The following KCNIP4 variants were observed in gnomAD, a reference collection of about 807,000 sequenced individuals.
The protein encoded by KCNIP4 is Kv channel-interacting protein 4.
KCNIP4 carries 12 observed loss-of-function variants against 34.0 expected under a neutral mutation model. The ratio of observed to expected loss-of-function variants is 0.35; its 90% CI spans 0.23 to 0.57. The LOEUF (loss-of-function observed/expected upper bound fraction) is 0.57. Ranked by LOEUF, KCNIP4 falls within the 20% of genes least tolerant of loss-of-function variation. The probability of loss-of-function intolerance (pLI) is 0.83; values close to 1 mark genes in which losing one functional copy is unlikely to be tolerated. For missense variants in KCNIP4, 238 were observed against 311.7 expected, an observed-to-expected ratio of 0.76 and a Z score of 1.78; for synonymous variants, 124 against 102.2, an observed-to-expected ratio of 1.21 and a Z score of -1.29.
At chr4:21,478,048 T>C (rs1731133202) in intron 1 of KCNIP4, among the ~76,000 whole-genome samples, 1 of 152,170 alleles carries the variant, frequency 6.6e-6, no homozygotes, top group Non-Finnish European at 1.5e-5. Context: ...CAACAAATAT[T>C]CTGTTCTTAT....
At chr4:21,628,924 T>C (rs2109197547) in intron 1 of KCNIP4, among the ~76,000 whole-genome samples, 1 of 152,356 alleles carries the variant, frequency 6.6e-6, no homozygotes, top group Middle Eastern at 3.4e-3. Context: ...TTTTTAATTA[T>C]ATAAGAATTT....
At chr4:21,766,418 C>T (rs986017242) in intron 1 of KCNIP4, among the ~76,000 whole-genome samples, 3 of 152,082 alleles carry the variant, frequency 2.0e-5, no homozygotes, top group Admixed American at 6.6e-5. Context: ...GACTCACATG[C>T]AAGTTCATTT....
chr4:20,829,429 A>G (rs111426232), intron 3 of KCNIP4, among the ~76,000 whole-genome samples: 84 of 152,038 alleles, frequency 5.5e-4, no homozygotes, highest in African/African-American at 1.9e-3. Context: ...GGATGGTCTC[A>G]ATCTTCTGAC....
chr4:21,184,400 C>T (rs891000824), intron 1 of KCNIP4, among the ~76,000 whole-genome samples: 1 of 152,138 alleles, frequency 6.6e-6, no homozygotes, highest in African/African-American at 2.4e-5. Flanking sequence ...ATAGCAGATA[C>T]TCAATCAATA....
At chr4:21,686,022 G>C (rs1750778716) in intron 1 of KCNIP4, among the ~76,000 whole-genome samples, 1 of 152,172 alleles carries the variant, frequency 6.6e-6, no homozygotes, top group African/African-American at 2.4e-5. Context: ...GTTCTTTAAA[G>C]CCTTTTGACT....
chr4:20,979,446 T>G lies in KCNIP4; in HGVS notation c.62-96737A>C, dbSNP rs574296223. Among the ~76,000 whole-genome samples, 5 of 150,308 alleles carry G rather than the reference T, an allele frequency of 3.3e-5. No individual in the cohort carries two copies. The South Asian group carries it at 1.1e-3, about 32-fold the overall frequency. On this transcript the variant is annotated intron_variant, in intron 1 of 8. Transcript: ENST00000382152. ...TGGAGTCTCACTCTGTCGCCCAGGC[T>G]GGAGTGCAGTGGCGAGATCTCGGCT...
intron 1 of KCNIP4, among the ~76,000 whole-genome samples, chr4:20,981,328 G>A (rs1736041864): frequency 6.6e-6 from 1 of 152,166 alleles, no homozygotes; most frequent in Admixed American, 6.5e-5. Flanking sequence ...CCATTCCTGG[G>A]TTGAGGTCAG....
chr4:20,802,645 C>T (rs949140152), intron 3 of KCNIP4, among the ~76,000 whole-genome samples: 1 of 152,034 alleles, frequency 6.6e-6, no homozygotes, highest in Non-Finnish European at 1.5e-5. Flanking sequence ...GAAATCATAC[C>T]TAGTATTGTT....
At chr4:20,761,172 G>C (rs1754928210) in intron 3 of KCNIP4, among the ~76,000 whole-genome samples, 1 of 152,084 alleles carries the variant, frequency 6.6e-6, no homozygotes, top group Admixed American at 6.6e-5. Context: ...TTGTTCACCA[G>C]CACCCTGCCT....
At chr4:20,836,966 A>G (rs1286353360) in intron 3 of KCNIP4, among the ~76,000 whole-genome samples, 3 of 151,856 alleles carry the variant, frequency 2.0e-5, no homozygotes, top group South Asian at 4.2e-4. Context: ...TCTAATGTCT[A>G]TCAGGTGAGA....
intron 1 of KCNIP4, among the ~76,000 whole-genome samples, chr4:21,354,222 A>T (rs1353755337): frequency 6.6e-6 from 1 of 152,216 alleles, no homozygotes; most frequent in African/African-American, 2.4e-5. Context: ...CATCGATGCT[A>T]TGAAGAAACT....
At chr4:21,141,042 A>G (rs1481418325) in intron 1 of KCNIP4, among the ~76,000 whole-genome samples, 1 of 152,252 alleles carries the variant, frequency 6.6e-6, no homozygotes. Flanking sequence ...TAAAGCAAAT[A>G]TAGCAACAGA....
chr4:21,176,365 T>TG (rs1222149898), intron 1 of KCNIP4, among the ~76,000 whole-genome samples: 1 of 152,002 alleles, frequency 6.6e-6, no homozygotes, highest in Non-Finnish European at 1.5e-5. Flanking sequence ...GAGGCCTGAC[T>TG]GGGGGCTCCA....
At chr4:21,771,488 T>G (rs1008970370) in intron 1 of KCNIP4, among the ~76,000 whole-genome samples, 3 of 152,184 alleles carry the variant, frequency 2.0e-5, no homozygotes, top group Non-Finnish European at 2.9e-5. Context: ...AGAATGTCAA[T>G]GGTAGTTTAA....
intron 1 of KCNIP4, among the ~76,000 whole-genome samples, chr4:20,904,579 C>A (rs1002811786): frequency 6.6e-6 from 1 of 151,984 alleles, no homozygotes; most frequent in Admixed American, 6.6e-5. Context: ...ATACAAAACA[C>A]CTAACCAATG....
At chr4:20,850,319 T>C in intron 3 of KCNIP4, 1 of 385,472 alleles carries the variant, frequency 2.6e-6, no homozygotes, top group Non-Finnish European at 4.7e-6. Context: ...TAAAACTTTC[T>C]CAGAAACTCT....
At chr4:20,872,166 T>C (rs1723540825) in intron 2 of KCNIP4, among the ~76,000 whole-genome samples, 1 of 152,100 alleles carries the variant, frequency 6.6e-6, no homozygotes, top group African/African-American at 2.4e-5. Flanking sequence ...TCAGGAACAC[T>C]CAATGAAGAA....
intron 1 of KCNIP4, among the ~76,000 whole-genome samples, chr4:21,108,588 T>A (rs186565550): frequency 6.6e-6 from 1 of 151,848 alleles, no homozygotes; most frequent in Admixed American, 6.5e-5. Context: ...GAAGCCATCT[T>A]CTCTCAACTT....
intron 1 of KCNIP4, among the ~76,000 whole-genome samples, chr4:21,688,338 T>C (rs933044219): frequency 2.0e-5 from 3 of 152,204 alleles, no homozygotes; most frequent in African/African-American, 7.2e-5. Flanking sequence ...AACCAGTATA[T>C]ATTCTGCAAA....
Sources: gnomAD v4.1 joint callset for allele counts (sites outside exome capture counted in the v4.1 genomes callset) on GRCh38, gnomAD v4.1.1 for gene constraint, MANE v1.5 for transcripts, NCBI Gene and HGNC (gene_info 2026-07-23, HGNC 2026-07-21) for gene names.